The following AREL1 variants were observed in gnomAD, a reference collection of about 807,000 sequenced individuals.
The protein encoded by AREL1 is apoptosis resistant E3 ubiquitin protein ligase 1, also known as apoptosis-resistant E3 ubiquitin protein ligase 1.
Under a neutral mutation model 99.0 loss-of-function variants are expected in AREL1, and 62 were observed. That is an observed-to-expected ratio of 0.63 (90% confidence interval 0.51 to 0.77). The LOEUF is 0.77. Among genes scored for constraint, AREL1 ranks in the 30% least tolerant of loss-of-function variants. The pLI is 0.00. For synonymous variants in AREL1, 380 were observed against 376.5 expected (o/e 1.01, Z -0.11); for missense variants, 879 against 1,027.6 (o/e 0.86, Z 1.98).
At position 74,668,514 on chromosome 14, in the gene AREL1, A is replaced by T. The variant is rs186971772; in HGVS notation, c.1915-920T>A. Among the ~76,000 whole-genome samples the T allele has an allele frequency of 3.3e-3, 495 of 152,260 alleles. 2 individuals carry two copies. The highest frequency in any genetic ancestry group is 5.6e-3 in the Non-Finnish European group (379 of 68,012). ...TTTCTATCTAGGAGACTGAGAAATA[A>T]ATTATTAAGATTTAGTATTCATATT... On this transcript the variant is annotated intron_variant, in intron 15 of 19. Coordinates refer to ENST00000356357, the MANE Select transcript of AREL1 (RefSeq NM_001039479.2).
intron 5 of AREL1, 138 bp from the exon 6 acceptor site, chr14:74,676,890 G>A (rs943115898): frequency 2.4e-5 from 16 of 663,930 alleles, no homozygotes; most frequent in Middle Eastern, 4.7e-4. Flanking sequence ...TCTGCCTTCC[G>A]GGCTCATGCC....
chr14:74,684,079 A>G (rs927913139), intron 4 of AREL1, among the ~76,000 whole-genome samples: 5 of 152,204 alleles, frequency 3.3e-5, no homozygotes, highest in African/African-American at 1.2e-4. Flanking sequence ...CTCAACTGTC[A>G]TAACTACTCA....
At chr14:74,673,859 T>C (rs2089412648) in intron 9 of AREL1, among the ~76,000 whole-genome samples, 175 bp downstream of exon 9, 1 of 152,254 alleles carries the variant, frequency 6.6e-6, no homozygotes, top group Non-Finnish European at 1.5e-5. Flanking sequence ...CCAGAATTTA[T>C]ATATTCTTCA....
chr14:74,676,468 G>T, intron 6 of AREL1, 115 bp downstream of exon 6: 1 of 1,426,348 alleles, frequency 7.0e-7, no homozygotes, highest in Non-Finnish European at 9.6e-7. Context: ...TGAAGATACA[G>T]ACAGCACAGA....
chr14:74,676,538 A>G, intron 6 of AREL1, 45 bp downstream of exon 6: 2 of 1,575,514 alleles, frequency 1.3e-6, no homozygotes, highest in Non-Finnish European at 1.7e-6. Context: ...CAGAGAAAGG[A>G]GCCAGCTCTC....
Position 74,669,708 on chromosome 14 carries a change from T to A in AREL1, c.1855A>T (p.Ser619Cys). The A allele has an allele frequency of 6.2e-7, 1 of 1,614,138 alleles. No homozygotes were observed. Among genetic ancestry groups the A allele is most frequent in the Non-Finnish European group, 8.5e-7 (1 of 1,180,000 alleles). ...KVCFILNNDM[S>C]EMELVFAEEK... is the part of the protein sequence containing the mutation. Reference sequence around the variant, plus strand: ...TCTGCAAAGACCAGCTCCATCTCACTCATGTCATTGTTGAGGATAAAACAA... The same window carrying A: ...TCTGCAAAGACCAGCTCCATCTCACACATGTCATTGTTGAGGATAAAACAA... The change falls in exon 15 of 20, where the codon AGT becomes TGT. Residue 619 changes from serine to cysteine, a missense_variant. By Grantham distance (112) the Ser-to-Cys change is moderately radical. Transcript: ENST00000356357.
rs774805419 is a variant in AREL1 at position 74,667,325 on chromosome 14, C to T, written c.2097G>A (p.Glu699=). The T allele has an allele frequency of 6.2e-7, 1 of 1,614,134 alleles. No individual in the cohort carries two copies. The highest frequency in any genetic ancestry group is 1.3e-5 in the African/African-American group (1 of 75,044). ...CTGAATTGCAATCACTTACCTCAAG[C>T]TCATTCTCATCAAAAATAGCCAAAA... The part of the protein sequence containing the change: ...ENLLAIFDEN[E]LELLMCGTGD... The change falls in exon 17 of 20, where the codon GAG becomes GAA. Residue 699 remains glutamate (E), a synonymous_variant. Transcript: ENST00000356357.
At chr14:74,677,130 C>A (rs1349319790) in intron 5 of AREL1, among the ~76,000 whole-genome samples, 2 of 151,756 alleles carry the variant, frequency 1.3e-5, no homozygotes, top group East Asian at 2.0e-4. Context: ...CTCTTCAGGG[C>A]ACAAAGATCT....
At chr14:74,666,309 G>A (rs1014257533) in intron 17 of AREL1, among the ~76,000 whole-genome samples, 8 of 152,154 alleles carry the variant, frequency 5.3e-5, no homozygotes, top group Non-Finnish European at 8.8e-5. Context: ...GCACCATTTT[G>A]TACTGATGTC....
Position 74,684,448 on chromosome 14 carries a change from C to T in AREL1, c.243+6G>A. ...AATGGGTATGGAGACAGAAACATTCCCTTACATGCACTCGGAAGGCCATGC... is the reference window on the plus strand; with the variant it reads ...AATGGGTATGGAGACAGAAACATTCTCTTACATGCACTCGGAAGGCCATGC... On this transcript the variant is annotated splice_donor_region_variant and intron_variant, in intron 4 of 19. Transcript: ENST00000356357. 1 of 1,613,832 alleles carries T rather than the reference C, an allele frequency of 6.2e-7. No homozygotes were observed. Among genetic ancestry groups the T allele is most frequent in the Non-Finnish European group, 8.5e-7 (1 of 1,179,784 alleles).
In AREL1 at chr14:74,672,828, T is replaced by C; in HGVS notation, c.1422+3A>G. 2 of 1,614,172 alleles carry C rather than the reference T, an allele frequency of 1.2e-6. No individual in the cohort carries two copies. The highest frequency in any genetic ancestry group is 1.1e-5 in the South Asian group (1 of 91,084). Reference sequence around the variant, plus strand: ...CTGCTGACAGAGATGAAATTTTACCTACCGATTCCAACAAGGCATGTCTGC... The same window carrying C: ...CTGCTGACAGAGATGAAATTTTACCCACCGATTCCAACAAGGCATGTCTGC... On this transcript the variant is annotated splice_donor_region_variant and intron_variant, in intron 11 of 19. Coordinates refer to ENST00000356357, the MANE Select transcript of AREL1 (RefSeq NM_001039479.2).
In AREL1 at chr14:74,669,928, T is replaced by C; in HGVS notation, c.1788+19A>G. On this transcript the variant is annotated intron_variant, in intron 14 of 19. Coordinates refer to ENST00000356357, the MANE Select transcript of AREL1 (RefSeq NM_001039479.2). ...AATGGCCAGGGGCCTTAGTAGGAAA[T>C]GCACACCCAAGATGTTACCTTGTAA... 1.3e-6 allele frequency: 2 copies of C among 1,590,252 alleles called. No homozygotes were observed. Among genetic ancestry groups the C allele is most frequent in the South Asian group, 1.1e-5 (1 of 88,540 alleles).
intron 1 of AREL1, 30 bp downstream of exon 1, chr14:74,712,903 G>A (rs1469486923): frequency 1.6e-6 from 1 of 625,366 alleles, no homozygotes; most frequent in Admixed American, 2.2e-5. Context: ...GGTCTTCTGG[G>A]CTCTGCCTAA....
chr14:74,671,232 C>T (rs916295548), intron 12 of AREL1, among the ~76,000 whole-genome samples, 176 bp downstream of exon 12: 1 of 150,570 alleles, frequency 6.6e-6, no homozygotes, highest in Admixed American at 6.6e-5. Context: ...AAATACTACC[C>T]TTTTTTTCTT....
At chr14:74,684,854 C>T (rs552238012) in intron 3 of AREL1, among the ~76,000 whole-genome samples, 174 bp from the exon 4 acceptor site, 7 of 152,220 alleles carry the variant, frequency 4.6e-5, no homozygotes, top group Non-Finnish European at 1.0e-4. Flanking sequence ...AACTTCTACA[C>T]CAGGGGTCAG....
chr14:74,680,361 C>T (rs2089602918), intron 5 of AREL1, among the ~76,000 whole-genome samples: 2 of 152,146 alleles, frequency 1.3e-5, no homozygotes, highest in Admixed American at 6.5e-5. Context: ...TGAGATACCA[C>T]TACACACTTA....
intron 1 of AREL1, among the ~76,000 whole-genome samples, chr14:74,705,965 G>A (rs2090170733): frequency 6.6e-6 from 1 of 152,168 alleles, no homozygotes. Flanking sequence ...ATTTACCATT[G>A]CTCATTTTGT....
At chr14:74,686,417 T>C (rs764881394) in intron 2 of AREL1, among the ~76,000 whole-genome samples, 2 of 152,226 alleles carry the variant, frequency 1.3e-5, no homozygotes, top group Non-Finnish European at 2.9e-5. Context: ...TGTGAACCAA[T>C]AAAAGTACTG....
At chr14:74,710,673 C>T (rs897604120) in intron 1 of AREL1, among the ~76,000 whole-genome samples, 4 of 152,130 alleles carry the variant, frequency 2.6e-5, no homozygotes, top group African/African-American at 9.7e-5. Flanking sequence ...TTAGGAACTT[C>T]TAGTGACCAC....
Sources: gnomAD v4.1 joint callset for allele counts (sites outside exome capture counted in the v4.1 genomes callset) on GRCh38, gnomAD v4.1.1 for gene constraint, MANE v1.5 for transcripts, NCBI Gene and HGNC (gene_info 2026-07-23, HGNC 2026-07-21) for gene names.